NKAIN3: variants seen among roughly 807,000 people sequenced by gnomAD.
NKAIN3 encodes sodium/potassium transporting ATPase interacting 3.
A neutral mutation model predicts 30.2 loss-of-function variants in NKAIN3; 25 were observed. The observed-to-expected ratio is 0.83, with a 90% CI of 0.60 to 1.16. The LOEUF (loss-of-function observed/expected upper bound fraction) is 1.16. NKAIN3 is among the 50% of genes most tolerant of loss of function. NKAIN3 has a pLI of 0.00. For synonymous variants in NKAIN3, 91 were observed against 89.6 expected (o/e 1.02, Z -0.09); for missense variants, 225 against 254.1 (o/e 0.89, Z 0.78).
intron 5 of NKAIN3, among the ~76,000 whole-genome samples, chr8:62,942,525 A>T (rs1479662638): frequency 6.6e-6 from 1 of 151,674 alleles, no homozygotes; most frequent in Non-Finnish European, 1.5e-5. Context: ...AAAAAAAAAA[A>T]AAAAATCCTA....
At chr8:62,706,805 C>A (rs7009571) in intron 3 of NKAIN3, among the ~76,000 whole-genome samples, 5,417 of 151,946 alleles carry the variant, frequency 0.036, 340 homozygotes, top group African/African-American at 0.13. Flanking sequence ...TACACTTCAC[C>A]ATATTTGTAG....
intron 4 of NKAIN3, among the ~76,000 whole-genome samples, chr8:62,901,154 C>T (rs1821604031): frequency 6.6e-6 from 1 of 152,174 alleles, no homozygotes. Context: ...TTTGCCAAGA[C>T]CATAGGGGAG....
At chr8:62,887,462 TTCTC>T (rs1047621165) in intron 4 of NKAIN3, among the ~76,000 whole-genome samples, 3 of 152,182 alleles carry the variant, frequency 2.0e-5, no homozygotes, top group Non-Finnish European at 2.9e-5. Flanking sequence ...TTCTGCTCCT[TTCTC>T]TCTTTTTTCT....
At chr8:62,945,295 A>T (rs899669701) in intron 5 of NKAIN3, among the ~76,000 whole-genome samples, 1 of 152,232 alleles carries the variant, frequency 6.6e-6, no homozygotes, top group African/African-American at 2.4e-5. Context: ...GTGCCCAAAA[A>T]TACATAATGA....
chr8:62,896,951 T>C lies in NKAIN3; in HGVS notation c.472-21502T>C, dbSNP rs1277729576. Among the ~76,000 whole-genome samples, 5 of 152,164 alleles carry C rather than the reference T, an allele frequency of 3.3e-5. No individual in the cohort carries two copies. In the East Asian group the frequency reaches 7.7e-4, roughly 23 times the overall value. ...GAGAAGAGGCAGCTGATAACATTCATTTCTGACATCTGTGGGTAGAAGGAA... is the reference window on the plus strand; with the variant it reads ...GAGAAGAGGCAGCTGATAACATTCACTTCTGACATCTGTGGGTAGAAGGAA... On this transcript the variant is annotated intron_variant, in intron 4 of 6. Transcript: ENST00000623646.
At chr8:62,456,149 T>G (rs988371897) in intron 1 of NKAIN3, among the ~76,000 whole-genome samples, 4 of 152,184 alleles carry the variant, frequency 2.6e-5, no homozygotes, top group Non-Finnish European at 5.9e-5. Context: ...TATTTTTGGG[T>G]CACAGTTGGC....
chr8:62,895,575 G>T (rs1307250892), intron 4 of NKAIN3, among the ~76,000 whole-genome samples: 1 of 152,196 alleles, frequency 6.6e-6, no homozygotes, highest in Non-Finnish European at 1.5e-5. Flanking sequence ...TGACAGCAAA[G>T]CTTGAGAGTC....
chr8:62,916,049 G>A (rs1378419105), intron 4 of NKAIN3, among the ~76,000 whole-genome samples: 2 of 152,124 alleles, frequency 1.3e-5, no homozygotes, highest in African/African-American at 4.8e-5. Flanking sequence ...CTCTCCTATG[G>A]TATGGAAAAG....
In NKAIN3 at chr8:62,967,338, C is replaced by T. The variant is rs1823737017; in HGVS notation, c.*1931C>T. On this transcript the variant is annotated 3_prime_UTR_variant, in exon 7 of 7. Coordinates refer to ENST00000623646, the MANE Select transcript of NKAIN3 (RefSeq NM_001304533.3). ...TTTGCCATCTCTGCACTACAGTTTT[C>T]CTCATCAATGAAGTGGAACTATGAT... Among the ~76,000 whole-genome samples the T allele has an allele frequency of 6.6e-6, 1 of 152,146 alleles. No individual in the cohort carries two copies. Among genetic ancestry groups the T allele is most frequent in the Non-Finnish European group, 1.5e-5 (1 of 68,030 alleles).
intron 4 of NKAIN3, among the ~76,000 whole-genome samples, chr8:62,821,000 T>C (rs767591445): frequency 2.9e-4 from 44 of 152,200 alleles, no homozygotes; most frequent in Non-Finnish European, 5.3e-4. Flanking sequence ...TTTTAATTAA[T>C]GCTGATTGCA....
At chr8:62,534,942 C>G in intron 1 of NKAIN3, among the ~76,000 whole-genome samples, 1 of 150,770 alleles carries the variant, frequency 6.6e-6, no homozygotes, top group Non-Finnish European at 1.5e-5. Flanking sequence ...GAGCAGCTTC[C>G]TGTGAAACAC....
chr8:62,990,770 T>C (rs1213645720), intron 5 of NKAIN3: 1 of 152,188 alleles, frequency 6.6e-6, no homozygotes, highest in Admixed American at 6.5e-5. Flanking sequence ...GTGTCGTAAT[T>C]ACACATTGAG....
At chr8:62,479,176 CA>C (rs1806619151) in intron 1 of NKAIN3, among the ~76,000 whole-genome samples, 1 of 152,166 alleles carries the variant, frequency 6.6e-6, no homozygotes, top group South Asian at 2.1e-4. Context: ...CATTCCTGGA[CA>C]TGAGTGTTTC....
intron 4 of NKAIN3, among the ~76,000 whole-genome samples, chr8:62,904,385 A>T (rs1821713359): frequency 6.6e-6 from 1 of 152,238 alleles, no homozygotes; most frequent in Non-Finnish European, 1.5e-5. Flanking sequence ...TAACCCATAA[A>T]TGAAAAGACT....
intron 5 of NKAIN3, 112 bp from the exon 6 acceptor site, chr8:62,953,790 T>A (rs1383347775): frequency 5.3e-6 from 1 of 190,372 alleles, no homozygotes; most frequent in Non-Finnish European, 9.7e-6. Flanking sequence ...TTTTTTCATT[T>A]TATGGTGAAC....
intron 4 of NKAIN3, among the ~76,000 whole-genome samples, chr8:62,837,986 G>T (rs1311166423): frequency 6.6e-6 from 1 of 152,006 alleles, no homozygotes; most frequent in East Asian, 1.9e-4. Flanking sequence ...ATGCTGATAA[G>T]AATGATAAAA....
At chr8:62,716,640 A>T (rs78184828) in intron 3 of NKAIN3, among the ~76,000 whole-genome samples, 3,311 of 152,228 alleles carry the variant, frequency 0.022, 40 homozygotes, top group Middle Eastern at 0.048. Context: ...AAAATACATG[A>T]ATCTGTGGCA....
chr8:62,799,799 G>A (rs1817994624), intron 4 of NKAIN3, among the ~76,000 whole-genome samples: 1 of 152,128 alleles, frequency 6.6e-6, no homozygotes, highest in African/African-American at 2.4e-5. Context: ...CAGCCCAAAT[G>A]CCCATCAATC....
intron 3 of NKAIN3, among the ~76,000 whole-genome samples, chr8:62,663,336 T>C (rs933732600): frequency 6.6e-6 from 1 of 152,218 alleles, no homozygotes; most frequent in African/African-American, 2.4e-5. Context: ...CTTGTCTCTA[T>C]TACTCTATTG....
Sources: gnomAD v4.1 joint callset for allele counts (sites outside exome capture counted in the v4.1 genomes callset) on GRCh38, gnomAD v4.1.1 for gene constraint, MANE v1.5 for transcripts, NCBI Gene and HGNC (gene_info 2026-07-23, HGNC 2026-07-21) for gene names.